Variants in MYSM1 observed in about 807,000 individuals in gnomAD.
The protein encoded by MYSM1 is deubiquitinase MYSM1.
In MYSM1, 51 loss-of-function variants were observed where a neutral mutation model predicts 116.0. That is an observed-to-expected ratio of 0.44 (90% confidence interval 0.35 to 0.56). The LOEUF is 0.56. MYSM1 is among the 20% of genes least tolerant of loss of function. MYSM1 has a pLI of 0.00. For missense variants in MYSM1, 900 were observed against 974.9 expected, an observed-to-expected ratio of 0.92 and a Z score of 1.02; for synonymous variants, 313 against 315.2, an observed-to-expected ratio of 0.99 and a Z score of 0.07.
chr1:58,672,921 T>C (rs890692251), intron 11 of MYSM1, among the ~76,000 whole-genome samples: 6 of 152,132 alleles, frequency 3.9e-5, no homozygotes, highest in Admixed American at 1.3e-4. Context: ...AGGTGAGAAG[T>C]TGAGGGCAGG....
intron 12 of MYSM1, among the ~76,000 whole-genome samples, chr1:58,670,374 A>T (rs1386425373): frequency 3.3e-5 from 5 of 152,218 alleles, no homozygotes; most frequent in Non-Finnish European, 5.9e-5. Flanking sequence ...AGGACTAGAA[A>T]TAGACAATTA....
chr1:58,690,449 A>G lies in MYSM1; in HGVS notation c.219-32T>C, dbSNP rs758987303. ...AACTATCAAGGAAACTTTTTAAACAATATTACAGTCATGTAATTTTTACAT... is the reference window on the plus strand; with the variant it reads ...AACTATCAAGGAAACTTTTTAAACAGTATTACAGTCATGTAATTTTTACAT... On this transcript the variant is annotated intron_variant, in intron 3 of 19. Transcript: ENST00000472487. The G allele has an allele frequency of 2.8e-6, 4 of 1,413,524 alleles. No homozygotes were observed. In the South Asian group the frequency reaches 5.1e-5, roughly 18 times the overall value. The allele number at this position is 1,413,524 out of a possible 1,614,324, so 87.6% of individuals were successfully genotyped here. A position where few individuals can be genotyped will look rare whatever the true frequency, so the allele number is the denominator to read the frequency against.
chr1:58,692,845 A>G lies in MYSM1; in HGVS notation c.218+16T>C. The stretch of plus-strand genomic sequence containing the variant: ...ACCCTGAAACCTGTACTTTCCTCAT[A>G]ATCATTAAAGGATACTCTTCTTCCA... On this transcript the variant is annotated intron_variant, in intron 3 of 19. Transcript: ENST00000472487. The G allele has an allele frequency of 1.3e-6, 2 of 1,586,930 alleles. No homozygotes were observed. The highest frequency in any genetic ancestry group is 1.7e-6 in the Non-Finnish European group (2 of 1,168,100).
At chr1:58,698,565 C>G (rs1237550096) in intron 1 of MYSM1, among the ~76,000 whole-genome samples, 1 of 121,030 alleles carries the variant, frequency 8.3e-6, no homozygotes, top group Non-Finnish European at 1.9e-5. Flanking sequence ...AAATGAAACA[C>G]AATCAGAAAG....
chr1:58,671,843 A>T, intron 12 of MYSM1, 27 bp downstream of exon 12: 1 of 1,551,536 alleles, frequency 6.4e-7, no homozygotes, highest in Non-Finnish European at 8.8e-7. Flanking sequence ...ATAAATGTTT[A>T]AAAACCACAT....
intron 14 of MYSM1, 43 bp downstream of exon 14, chr1:58,668,589 T>C (rs1389205817): frequency 6.4e-7 from 1 of 1,559,524 alleles, no homozygotes; most frequent in Non-Finnish European, 8.7e-7. Context: ...TACACAAGAG[T>C]AGAAATCAGA....
rs678283 is a variant in MYSM1 at position 58,671,784 on chromosome 1, T to C, written c.1661+86A>G. ...ATTTTTTTAAACTTAATGTGAACAA[T>C]ATAATGCAGCTATTGAATATTTTTT... On this transcript the variant is annotated intron_variant, in intron 12 of 19. Transcript: ENST00000472487. 0.014 allele frequency: 14,178 copies of C among 994,690 alleles called. 1,202 individuals carry two copies. The African/African-American group carries it at 0.2, about 14-fold the overall frequency. The allele number at this position is 994,690 out of a possible 1,614,324, so 61.6% of individuals were successfully genotyped here.
rs1252397053 is a variant in MYSM1, at chr1:58,682,473, T to C, written c.571A>G (p.Lys191Glu). The change falls in exon 8 of 20, where the codon AAA (lysine) becomes GAA (glutamate). Residue 191 changes from lysine (K) to glutamate (E), a missense_variant. By Grantham distance (56) the Lys-to-Glu change is moderately conservative (BLOSUM62 1). Transcript: ENST00000472487. ...GHNLQVKNED[K>E]GTKAWTPSCL... The stretch of plus-strand genomic sequence containing the variant: ...GATGGTGTCCATGCCTTTGTCCCTT[T>C]ATCTTCATTTTTAACTTGAAGATTA... 1 of 1,614,088 alleles carries C rather than the reference T, an allele frequency of 6.2e-7. No homozygotes were observed. The highest frequency in any genetic ancestry group is 8.5e-7 in the Non-Finnish European group (1 of 1,179,990).
chr1:58,699,152 G>T (rs186498238), intron 1 of MYSM1, among the ~76,000 whole-genome samples: 3 of 152,252 alleles, frequency 2.0e-5, no homozygotes, highest in African/African-American at 4.8e-5. Context: ...ACTCATTTTT[G>T]ATTCAGAAAG....
At position 58,682,433 on chromosome 1, in the gene MYSM1, C is replaced by T. The variant is rs958860111; in HGVS notation, c.611G>A (p.Arg204His). ...KAWTPSCLRG[R>H]ADPNLNAVKI... ...TACAGCATTCAAGTTGGGATCAGCA[C>T]GTCCCCTTAAACATGATGGTGTCCA... The change falls in exon 8 of 20, where the codon CGT (arginine) becomes CAT (histidine). Residue 204 changes from arginine to histidine, a missense_variant. Around this residue, in one of 3 missense-constraint regions of MYSM1, gnomAD observed 622 missense variants for 623.7 expected, o/e 1.00. Coordinates refer to ENST00000472487, the MANE Select transcript of MYSM1 (RefSeq NM_001085487.3). 6.8e-6 allele frequency: 11 copies of T among 1,614,034 alleles called. No homozygotes were observed. Among genetic ancestry groups the T allele is most frequent in the African/African-American group, 2.7e-5 (2 of 74,900 alleles).
Position 58,695,643 on chromosome 1 carries a change from C to A in MYSM1, c.69-436G>T, listed in dbSNP as rs79770034. ...ATTATAAAAACCACCATCAATAGCA[C>A]CACCTATAAAATGAAAGAAAAAAAA... On this transcript the variant is annotated intron_variant, in intron 1 of 19. Transcript: ENST00000472487. Among the ~76,000 whole-genome samples the A allele has an allele frequency of 6.0e-3, 867 of 144,396 alleles. 14 individuals are homozygous for A. The East Asian group carries it at 0.068, about 11-fold the overall frequency. The allele number at this position is 144,396 out of a possible 152,430, so 94.7% of individuals were successfully genotyped here. A position where few individuals can be genotyped will look rare whatever the true frequency, so the allele number is the denominator to read the frequency against.
In MYSM1 at chr1:58,685,167, A is replaced by G; in HGVS notation, c.484T>C (p.Tyr162His). The change falls in exon 7 of 20, where the codon TAT becomes CAT. Residue 162 changes from tyrosine (Y) to histidine (H), a missense_variant. Tyr to His is a moderately conservative substitution (Grantham distance 83, BLOSUM62 2). Around this residue, in one of 3 missense-constraint regions of MYSM1, gnomAD observed 622 missense variants for 623.7 expected, o/e 1.00. Coordinates refer to ENST00000472487, the MANE Select transcript of MYSM1 (RefSeq NM_001085487.3). The part of the protein sequence containing the change: ...VLQVKSYARQ[Y>H]FKNKVKCGLD... ...ATTCTGCTTACCTTATTTTTAAAAT[A>G]CTGTCTTGCATAACTCTTCACTTGT... The G allele has an allele frequency of 1.9e-6, 3 of 1,594,320 alleles. No individual in the cohort carries two copies. Among genetic ancestry groups the G allele is most frequent in the Non-Finnish European group, 1.7e-6 (2 of 1,174,224 alleles).
At chr1:58,689,003 T>C in intron 6 of MYSM1, 35 bp downstream of exon 6, 3 of 1,550,730 alleles carry the variant, frequency 1.9e-6, no homozygotes, top group Non-Finnish European at 2.6e-6. Context: ...GCTTCTAGAA[T>C]TATTTTACTA....
At chr1:58,699,179 G>T (rs1215547238) in intron 1 of MYSM1, among the ~76,000 whole-genome samples, 1 of 152,160 alleles carries the variant, frequency 6.6e-6, no homozygotes, top group Non-Finnish European at 1.5e-5. Context: ...GTCAAAGGAG[G>T]TTCTGTGTCA....
Position 58,654,827 on chromosome 1 carries a change from ATATCT to A in MYSM1, c.*5165_*5169del, listed in dbSNP as rs1317804355. 6.6e-6 allele frequency: 1 copy of A among 152,206 alleles called. No individual in the cohort carries two copies. Among genetic ancestry groups the A allele is most frequent in the Non-Finnish European group, 1.5e-5 (1 of 68,026 alleles). 9.4% of individuals were successfully genotyped at this position (152,206 alleles called of 1,614,324 possible). A position where few individuals can be genotyped will look rare whatever the true frequency, so the allele number is the denominator to read the frequency against. ...ACAAAATCCAAAAGCTTAAAATCAG[ATATCT>A]TATAATGTGTCACAATTAAGTATGG... On this transcript the variant is annotated 3_prime_UTR_variant, in exon 20 of 20. Coordinates refer to ENST00000472487, the MANE Select transcript of MYSM1 (RefSeq NM_001085487.3).
intron 2 of MYSM1, among the ~76,000 whole-genome samples, chr1:58,694,127 TA>T (rs1644939616): frequency 6.6e-6 from 1 of 152,236 alleles, no homozygotes; most frequent in African/African-American, 2.4e-5. Flanking sequence ...CAATTTAATC[TA>T]AACTAGGTTT....
At chr1:58,666,553 C>T (rs1644472248) in intron 16 of MYSM1, among the ~76,000 whole-genome samples, 1 of 149,542 alleles carries the variant, frequency 6.7e-6, no homozygotes, top group Non-Finnish European at 1.5e-5. Flanking sequence ...TCTTTTAAAA[C>T]CCCCAGTATA....
Position 58,671,874 on chromosome 1 carries a change from T to C in MYSM1, c.1657A>G (p.Lys553Glu). Residue 553 changes from lysine to glutamate, a missense_variant, in exon 12 of 20, where the codon AAA becomes GAA. Physicochemically the swap from Lys to Glu is moderately conservative, Grantham distance 56. Transcript: ENST00000472487. ...CACATTTATATAACACTACACCTTT[T>C]TGTTGGTCTTGGCACTTTTAAAGAT... ...VKSLKVPRPTKSSFDPFQLIP... is the reference protein window; with the variant it reads ...VKSLKVPRPTESSFDPFQLIP... 1 of 1,612,288 alleles carries C rather than the reference T, an allele frequency of 6.2e-7. No individual in the cohort carries two copies.
Position 58,658,178 on chromosome 1 carries a change from C to G in MYSM1, c.*1819G>C, listed in dbSNP as rs1379612655. ...AGGTTATGTGTTTTGATTAAGGTCA[C>G]ACAGCAAAGTTGGTAACAGAGTTAG... On this transcript the variant is annotated 3_prime_UTR_variant, in exon 20 of 20. Transcript: ENST00000472487. 1 of 152,046 alleles carries G rather than the reference C, an allele frequency of 6.6e-6. No individual in the cohort carries two copies. The highest frequency in any genetic ancestry group is 1.5e-5 in the Non-Finnish European group (1 of 68,018). The allele number at this position is 152,046 out of a possible 1,614,324, so 9.4% of individuals were successfully genotyped here. A position where few individuals can be genotyped will look rare whatever the true frequency, so the allele number is the denominator to read the frequency against.
Sources: allele counts gnomAD v4.1 joint callset (sites outside exome capture counted in the v4.1 genomes callset), GRCh38; gene constraint gnomAD v4.1.1; regional missense constraint gnomAD v4.1.1; transcripts MANE v1.5; gene names NCBI Gene and HGNC (gene_info 2026-07-23, HGNC 2026-07-21).